ALKBH3: variants seen among roughly 807,000 people sequenced by gnomAD.
ALKBH3 encodes alpha-ketoglutarate-dependent dioxygenase alkB homolog 3.
Under a neutral mutation model 43.9 loss-of-function variants are expected in ALKBH3, and 51 were observed. That is an observed-to-expected ratio of 1.16 (90% CI 0.93 to 1.47). The LOEUF is 1.47. Among genes scored for constraint, ALKBH3 ranks in the 40% most tolerant of loss-of-function variants. The pLI is 0.00. For missense variants in ALKBH3, 361 were observed against 351.9 expected (o/e 1.03, Z -0.21); for synonymous variants, 102 against 115.2 (o/e 0.89, Z 0.73).
intron 7 of ALKBH3, chr11:43,898,550 A>G (rs1951836625): frequency 1.3e-6 from 1 of 775,486 alleles, no homozygotes; most frequent in Non-Finnish European, 2.4e-6. Context: ...AATGAAGAAG[A>G]GCTAAGGCGA....
In ALKBH3 at chr11:43,918,973, G is replaced by C. The variant is rs761260957; in HGVS notation, c.670-65G>C. ...AGGTTTCCATTTTTTTTTGACCTCTGTCAGGTTCTGTTGCATCTTGATTAC... is the reference window on the plus strand; with the variant it reads ...AGGTTTCCATTTTTTTTTGACCTCTCTCAGGTTCTGTTGCATCTTGATTAC... On this transcript the variant is annotated intron_variant, in intron 8 of 9. Transcript: ENST00000302708. 61 of 1,309,950 alleles carry C rather than the reference G, an allele frequency of 4.7e-5. 1 individual carries two copies. The highest frequency in any genetic ancestry group is 2.0e-4 in the Middle Eastern group (1 of 4,938). The allele number at this position is 1,309,950 out of a possible 1,614,324, so 81.1% of individuals were successfully genotyped here. A position where few individuals can be genotyped will look rare whatever the true frequency, so the allele number is the denominator to read the frequency against.
In ALKBH3 at chr11:43,897,889, C is replaced by G. The variant is rs1348608349; in HGVS notation, c.460-3627C>G. 1.0e-5 allele frequency: 8 copies of G among 781,996 alleles called. 1 individual carries two copies. Among genetic ancestry groups the G allele is most frequent in the Non-Finnish European group, 1.9e-5 (8 of 421,606 alleles). The allele number at this position is 781,996 out of a possible 1,614,324, so 48.4% of individuals were successfully genotyped here. A position where few individuals can be genotyped will look rare whatever the true frequency, so the allele number is the denominator to read the frequency against. On this transcript the variant is annotated intron_variant, in intron 7 of 9. Coordinates refer to ENST00000302708, the MANE Select transcript of ALKBH3 (RefSeq NM_139178.4). The stretch of plus-strand genomic sequence containing the variant: ...GAAAAAATTGCAATGAAACAATATA[C>G]CAGCAATATTAAAAAAAGGAAAGAA...
chr11:43,901,659 C>A lies in ALKBH3; in HGVS notation c.603C>A (p.Cys201Ter). Residue 201 changes from cysteine (C) to a stop codon, truncating the protein, a stop_gained, in exon 8 of 10, where the codon TGC becomes TGA. Coordinates refer to ENST00000302708, the MANE Select transcript of ALKBH3 (RefSeq NM_139178.4). LOFTEE classifies it high-confidence loss of function. ...HSDDEPSLGRCPIIASLSFGA... is the reference protein window; with the variant it reads ...HSDDEPSLGR ...ATGATGAACCCTCACTAGGGAGGTG[C>A]CCCATTATTGCTTCACTAAGTTTTG... 1 of 1,614,230 alleles carries A rather than the reference C, an allele frequency of 6.2e-7. No homozygotes were observed. Among genetic ancestry groups the A allele is most frequent in the South Asian group, 1.1e-5 (1 of 91,084 alleles).
intron 7 of ALKBH3, among the ~76,000 whole-genome samples, chr11:43,894,048 T>A (rs897229067): frequency 3.3e-5 from 5 of 152,190 alleles, no homozygotes; most frequent in Non-Finnish European, 7.3e-5. Flanking sequence ...AATGTATGTA[T>A]ATATATGTTG....
chr11:43,885,118 C>A (rs560675735), intron 4 of ALKBH3, among the ~76,000 whole-genome samples: 1 of 152,196 alleles, frequency 6.6e-6, no homozygotes, highest in Non-Finnish European at 1.5e-5. Flanking sequence ...ATAAACAAAA[C>A]CATGAAACAT....
rs137871835 is a variant in ALKBH3 at position 43,905,465 on chromosome 11, G to T, written c.669+3740G>T. On this transcript the variant is annotated intron_variant, in intron 8 of 9. Coordinates refer to ENST00000302708, the MANE Select transcript of ALKBH3 (RefSeq NM_139178.4). ...TTGTTTTTTTTTTTCACTGTCCTGT[G>T]GTCCAAGTCTGCCAAGTGCTGCTCA... Among the ~76,000 whole-genome samples, 982 of 151,248 alleles carry T rather than the reference G, an allele frequency of 6.5e-3. 17 individuals carry two copies. Among genetic ancestry groups the T allele is most frequent in the South Asian group, 0.026 (126 of 4,782 alleles).
At position 43,899,548 on chromosome 11, in the gene ALKBH3, A is replaced by G. The variant is rs758450828; in HGVS notation, c.460-1968A>G. On this transcript the variant is annotated intron_variant, in intron 7 of 9. Transcript: ENST00000302708. The stretch of plus-strand genomic sequence containing the variant: ...CTCCAGCCAGTCTCACTCCAGCTCC[A>G]TGATTTCCAGCTAGTGCCGCACCAC... 159 of 669,290 alleles carry G rather than the reference A, an allele frequency of 2.4e-4. 1 individual carries two copies. The highest frequency in any genetic ancestry group is 4.2e-4 in the Non-Finnish European group (150 of 357,512). 41.5% of individuals were successfully genotyped at this position (669,290 alleles called of 1,614,324 possible). A position where few individuals can be genotyped will look rare whatever the true frequency, so the allele number is the denominator to read the frequency against.
intron 6 of ALKBH3, among the ~76,000 whole-genome samples, chr11:43,891,229 A>G (rs1951781622): frequency 6.6e-6 from 1 of 152,214 alleles, no homozygotes; most frequent in Non-Finnish European, 1.5e-5. Flanking sequence ...TTGGTGACAG[A>G]CATGGCTTTG....
intron 8 of ALKBH3, among the ~76,000 whole-genome samples, chr11:43,903,380 C>A (rs558685133): frequency 2.0e-5 from 3 of 152,216 alleles, no homozygotes; most frequent in Non-Finnish European, 4.4e-5. Context: ...TAGTAAGACT[C>A]CTGTTGCATA....
intron 9 of ALKBH3, 152 bp downstream of exon 9, chr11:43,919,288 C>T: frequency 1.5e-6 from 1 of 683,066 alleles, no homozygotes; most frequent in Non-Finnish European, 2.5e-6. Flanking sequence ...AGTTTTGCTA[C>T]TACTGACAAT....
chr11:43,888,240 C>T lies in ALKBH3; in HGVS notation c.267-1485C>T, dbSNP rs61883974. Among the ~76,000 whole-genome samples the T allele has an allele frequency of 1.0e-4, 9 of 90,010 alleles. 3 individuals carry two copies. The highest frequency in any genetic ancestry group is 1.6e-4 in the Non-Finnish European group (6 of 36,466). 59.1% of individuals were successfully genotyped at this position (90,010 alleles called of 152,430 possible). On this transcript the variant is annotated intron_variant, in intron 5 of 9. Transcript: ENST00000302708. ...CCGAGTAGCTGGGATTACAGGTGTG[C>T]GCCACCACACCTGGCTAATTTTGTA...
At chr11:43,881,525 A>G (rs1441678854) in intron 1 of ALKBH3, 1 of 152,284 alleles carries the variant, frequency 6.6e-6, no homozygotes. Context: ...GAACATGTCA[A>G]ACGGGAGCTC....
chr11:43,916,110 T>C (rs1023920279), intron 8 of ALKBH3, among the ~76,000 whole-genome samples: 3 of 152,244 alleles, frequency 2.0e-5, no homozygotes, highest in Non-Finnish European at 2.9e-5. Flanking sequence ...AAAGGGATGA[T>C]TTTAAGAAAA....
intron 7 of ALKBH3, chr11:43,897,814 A>C (rs1365783502): frequency 5.7e-5 from 47 of 831,450 alleles, no homozygotes; most frequent in Non-Finnish European, 5.2e-5. Flanking sequence ...CGTTTTGAAC[A>C]GTCTGCAAGT....
At chr11:43,901,959 T>G (rs1951866886) in intron 8 of ALKBH3, among the ~76,000 whole-genome samples, 1 of 152,222 alleles carries the variant, frequency 6.6e-6, no homozygotes, top group Non-Finnish European at 1.5e-5. Context: ...GGCGGCTCAT[T>G]TCATTGATGA....
intron 4 of ALKBH3, among the ~76,000 whole-genome samples, chr11:43,886,167 A>C (rs1951745247): frequency 6.6e-6 from 1 of 152,162 alleles, no homozygotes; most frequent in South Asian, 2.1e-4. Context: ...GAAGGATTTT[A>C]ATCAGAAGAG....
At chr11:43,907,899 T>C (rs184981255) in intron 8 of ALKBH3, among the ~76,000 whole-genome samples, 4 of 152,206 alleles carry the variant, frequency 2.6e-5, no homozygotes, top group Admixed American at 2.6e-4. Context: ...TTTTAAAAGG[T>C]CACTATTGCT....
chr11:43,899,235 G>C, intron 7 of ALKBH3: 1 of 742,390 alleles, frequency 1.3e-6, no homozygotes, highest in South Asian at 1.3e-5. Flanking sequence ...CGTGACTACA[G>C]CATGGTGGAA....
chr11:43,899,487 A>G (rs1407650882), intron 7 of ALKBH3: 5 of 704,986 alleles, frequency 7.1e-6, no homozygotes, highest in Non-Finnish European at 1.1e-5. Flanking sequence ...GAGTCCAGCC[A>G]CAGTGGCTTC....
Sources: allele counts gnomAD v4.1 joint callset (sites outside exome capture counted in the v4.1 genomes callset), GRCh38; gene constraint gnomAD v4.1.1; transcripts MANE v1.5; gene names NCBI Gene and HGNC (gene_info 2026-07-23, HGNC 2026-07-21).